The following GPHN variants were observed in gnomAD, a reference collection of about 807,000 sequenced individuals.
The protein encoded by GPHN is gephyrin.
A neutral mutation model predicts 95.5 loss-of-function variants in GPHN; 17 were observed. The observed-to-expected ratio is 0.18, with a 90% CI of 0.12 to 0.27. The LOEUF (loss-of-function observed/expected upper bound fraction) is 0.27, where lower values mean the gene tolerates loss of function less well. Ranked by LOEUF, GPHN falls within the 10% of genes least tolerant of loss-of-function variation. The pLI, the probability that GPHN is intolerant of heterozygous loss-of-function variation, is 1.00. For missense variants in GPHN, 660 were observed against 978.1 expected (o/e 0.67, Z 4.34); for synonymous variants, 320 against 322.5 (o/e 0.99, Z 0.08).
chr14:66,719,718 A>G (rs1238408876), intron 2 of GPHN, among the ~76,000 whole-genome samples: 1 of 152,176 alleles, frequency 6.6e-6, no homozygotes, highest in Admixed American at 6.5e-5. Context: ...TTCCCATGTC[A>G]TGGTGAAGAG....
chr14:67,729,710 G>A, the GPHN span: 1 of 538,446 alleles, frequency 1.9e-6, no homozygotes, highest in Non-Finnish European at 3.6e-6. Flanking sequence ...TAAGCTTTTG[G>A]CTCACTTGAT....
intron 11 of GPHN, among the ~76,000 whole-genome samples, chr14:67,061,596 T>G (rs2075825331): frequency 6.6e-6 from 1 of 152,216 alleles, no homozygotes; most frequent in Non-Finnish European, 1.5e-5. Flanking sequence ...TCTTACCTCC[T>G]TATCATCAGA....
the GPHN span, among the ~76,000 whole-genome samples, chr14:67,646,113 A>G: frequency 2.6e-5 from 4 of 152,326 alleles, no homozygotes; most frequent in South Asian, 4.1e-4. Flanking sequence ...AAGACAAATA[A>G]AACCATGACC....
chr14:67,059,674 C>T (rs1306920022), intron 11 of GPHN, among the ~76,000 whole-genome samples: 2 of 152,162 alleles, frequency 1.3e-5, no homozygotes, highest in Non-Finnish European at 2.9e-5. Flanking sequence ...CATAATTGTG[C>T]TCTTCTTCAA....
intron 4 of GPHN, among the ~76,000 whole-genome samples, chr14:66,873,489 A>G (rs2063527184): frequency 6.6e-6 from 1 of 152,124 alleles, no homozygotes; most frequent in South Asian, 2.1e-4. Flanking sequence ...CCCACACAGA[A>G]CCCAGCAAGC....
At chr14:67,021,668 T>C (rs1486509955) in intron 9 of GPHN, among the ~76,000 whole-genome samples, 1 of 152,082 alleles carries the variant, frequency 6.6e-6, no homozygotes, top group African/African-American at 2.4e-5. Flanking sequence ...TATAAATCTG[T>C]TGGAACATTT....
chr14:67,682,550 A>C, the GPHN span, among the ~76,000 whole-genome samples: 4 of 152,240 alleles, frequency 2.6e-5, no homozygotes, highest in Non-Finnish European at 5.9e-5. Flanking sequence ...TAAAAACAAG[A>C]TATTCCTTCA....
the GPHN span, among the ~76,000 whole-genome samples, chr14:67,424,075 T>C: frequency 6.6e-6 from 1 of 151,512 alleles, no homozygotes; most frequent in Non-Finnish European, 1.5e-5. Flanking sequence ...CCATTTCTAC[T>C]AAAAATACAA....
intron 3 of GPHN, among the ~76,000 whole-genome samples, chr14:66,814,567 A>G (rs1595994094): frequency 6.6e-6 from 1 of 152,204 alleles, no homozygotes; most frequent in African/African-American, 2.4e-5. Flanking sequence ...AATGTTCCAA[A>G]AACAAGATTG....
At chr14:67,397,961 T>C in the GPHN span, 1 of 651,008 alleles carries the variant, frequency 1.5e-6, no homozygotes, top group Non-Finnish European at 2.6e-6. Context: ...GCAGGATTTG[T>C]GTCTGGATCT....
the GPHN span, among the ~76,000 whole-genome samples, chr14:67,552,909 C>T: frequency 5.3e-5 from 8 of 152,352 alleles, no homozygotes; most frequent in Non-Finnish European, 8.8e-5. Context: ...GCCATTCAAT[C>T]TACTTCAGTA....
At chr14:66,704,667 A>T (rs980390287) in intron 2 of GPHN, among the ~76,000 whole-genome samples, 6 of 152,120 alleles carry the variant, frequency 3.9e-5, no homozygotes, top group African/African-American at 1.4e-4. Context: ...AAGAAGTGTG[A>T]GAGAGAGAAA....
chr14:67,571,989 T>C, the GPHN span: 1 of 1,508,728 alleles, frequency 6.6e-7, no homozygotes, highest in Non-Finnish European at 9.0e-7. Flanking sequence ...GCGTCCCCAC[T>C]TGATCTGAGC....
chr14:66,624,846 A>G (rs2153324215), intron 1 of GPHN, among the ~76,000 whole-genome samples: 1 of 152,290 alleles, frequency 6.6e-6, no homozygotes. Flanking sequence ...TTAAGTTATG[A>G]TATCTTTTTC....
the GPHN span, among the ~76,000 whole-genome samples, chr14:67,580,702 C>A: frequency 6.6e-6 from 1 of 152,190 alleles, no homozygotes; most frequent in East Asian, 1.9e-4. Context: ...CTGGTGACAC[C>A]AGCAGGGCAG....
chr14:67,002,700 G>C (rs1318201358), intron 9 of GPHN, among the ~76,000 whole-genome samples: 1 of 151,224 alleles, frequency 6.6e-6, no homozygotes, highest in Non-Finnish European at 1.5e-5. Context: ...ACCACCTTTT[G>C]GGGTATCTTA....
the GPHN span, among the ~76,000 whole-genome samples, chr14:67,679,826 A>T: frequency 6.6e-6 from 1 of 152,086 alleles, no homozygotes; most frequent in Admixed American, 6.5e-5. Context: ...TCAAAGTTTT[A>T]AAAAAAATGA....
the GPHN span, chr14:67,620,113 C>T: frequency 1.3e-6 from 2 of 1,522,918 alleles, no homozygotes; most frequent in African/African-American, 2.8e-5. Context: ...CTGGAACCGC[C>T]GGGCAGGATC....
At chr14:67,335,725 CTT>C in the GPHN span, 1 of 150,792 alleles carries the variant, frequency 6.6e-6, no homozygotes, top group East Asian at 1.9e-4. Context: ...CCTTTGTACT[CTT>C]TTCCTGTATC....
Sources: gnomAD v4.1 joint callset for allele counts (sites outside exome capture counted in the v4.1 genomes callset) on GRCh38, gnomAD v4.1.1 for gene constraint, MANE v1.5 for transcripts, NCBI Gene and HGNC (gene_info 2026-07-23, HGNC 2026-07-21) for gene names.